SLC30A9: variants seen among roughly 807,000 people sequenced by gnomAD.
SLC30A9 encodes proton-coupled zinc antiporter SLC30A9, mitochondrial.
In SLC30A9, 58 loss-of-function variants were observed where a neutral mutation model predicts 87.5. The ratio of observed to expected loss-of-function variants is 0.66; its 90% CI spans 0.54 to 0.82. The LOEUF (loss-of-function observed/expected upper bound fraction) is 0.82, where lower values mean the gene tolerates loss of function less well. SLC30A9 is among the 40% of genes least tolerant of loss of function. The pLI is 0.00. For missense variants in SLC30A9, 557 were observed against 679.1 expected (o/e 0.82, Z 2.00); for synonymous variants, 234 against 233.0 (o/e 1.00, Z -0.04).
chr4:42,017,373 CTGTT>C (rs1715767443), intron 2 of SLC30A9, among the ~76,000 whole-genome samples: 1 of 71,376 alleles, frequency 1.4e-5, no homozygotes, highest in African/African-American at 3.6e-5. Flanking sequence ...TCTTTTTTCT[CTGTT>C]TTTTTTTTTT....
rs1215007629 is a variant in SLC30A9, at chr4:42,030,493, A to G, written c.611-4782A>G. Among the ~76,000 whole-genome samples, 6 of 151,442 alleles carry G rather than the reference A, an allele frequency of 4.0e-5. No individual in the cohort carries two copies. In the East Asian group the frequency reaches 9.7e-4, roughly 24 times the overall value. On this transcript the variant is annotated intron_variant, in intron 6 of 17. Coordinates refer to ENST00000264451, the MANE Select transcript of SLC30A9 (RefSeq NM_006345.4). ...GCATACTCTGGTCCTTTTTCAAGCC[A>G]TGTGTTATCGTATCTGTTTTGTACT... is the stretch of plus-strand genomic sequence containing the variant.
intron 2 of SLC30A9, among the ~76,000 whole-genome samples, chr4:42,011,925 TA>T (rs1385149131): frequency 2.0e-5 from 3 of 152,178 alleles, no homozygotes; most frequent in African/African-American, 7.2e-5. Flanking sequence ...GGAGAGTTAG[TA>T]AATTCAAATT....
chr4:41,999,045 G>T (rs1714867704), intron 1 of SLC30A9, among the ~76,000 whole-genome samples: 1 of 152,126 alleles, frequency 6.6e-6, no homozygotes, highest in Admixed American at 6.5e-5. Context: ...GCACTTAGGA[G>T]TCAATTTTAA....
At chr4:41,996,758 G>T (rs1244407476) in intron 1 of SLC30A9, among the ~76,000 whole-genome samples, 1 of 151,936 alleles carries the variant, frequency 6.6e-6, no homozygotes, top group African/African-American at 2.4e-5. Flanking sequence ...ACACAGGTGG[G>T]TGCGGTGGCT....
chr4:42,022,569 A>T (rs1250596694), intron 4 of SLC30A9, among the ~76,000 whole-genome samples: 1 of 152,152 alleles, frequency 6.6e-6, no homozygotes, highest in Admixed American at 6.5e-5. Context: ...CCCATAGCAG[A>T]TACAAATACA....
At chr4:42,039,152 G>T in intron 8 of SLC30A9, 99 bp downstream of exon 8, 1 of 880,292 alleles carries the variant, frequency 1.1e-6, no homozygotes, top group Non-Finnish European at 1.8e-6. Flanking sequence ...TAGCTATAGA[G>T]TTTGAGGTTT....
chr4:42,073,665 A>G (rs1208234678), intron 15 of SLC30A9, among the ~76,000 whole-genome samples: 1 of 152,142 alleles, frequency 6.6e-6, no homozygotes, highest in Non-Finnish European at 1.5e-5. Context: ...TACTCACATG[A>G]TTGTTCGCAA....
chr4:41,994,168 A>AAAAAAG (rs76634924), intron 1 of SLC30A9, among the ~76,000 whole-genome samples: 2 of 151,418 alleles, frequency 1.3e-5, no homozygotes, highest in Non-Finnish European at 2.9e-5. Flanking sequence ...AAGAAAAAAA[A>AAAAAAG]AAGTTATAAT....
intron 2 of SLC30A9, among the ~76,000 whole-genome samples, chr4:42,009,371 T>G (rs1054454375): frequency 1.3e-5 from 2 of 152,204 alleles, no homozygotes; most frequent in African/African-American, 4.8e-5. Context: ...ATAATTCAAA[T>G]CACATGATAA....
At chr4:42,013,263 A>G (rs1172616513) in intron 2 of SLC30A9, among the ~76,000 whole-genome samples, 3 of 152,208 alleles carry the variant, frequency 2.0e-5, no homozygotes, top group African/African-American at 7.2e-5. Flanking sequence ...TGGGTGACAT[A>G]GCAAGATCCT....
intron 4 of SLC30A9, among the ~76,000 whole-genome samples, chr4:42,022,154 C>T (rs1478080466): frequency 2.6e-5 from 4 of 151,386 alleles, no homozygotes; most frequent in Non-Finnish European, 1.5e-5. Context: ...AGTCTAGTCT[C>T]GAACTCCTGA....
intron 14 of SLC30A9, among the ~76,000 whole-genome samples, chr4:42,067,507 A>G (rs1006187866): frequency 6.6e-6 from 1 of 152,252 alleles, no homozygotes; most frequent in African/African-American, 2.4e-5. Context: ...AAAAGTGTGG[A>G]TAATATTTAC....
At chr4:42,060,603 T>C (rs1303707175) in intron 10 of SLC30A9, among the ~76,000 whole-genome samples, 1 of 152,206 alleles carries the variant, frequency 6.6e-6, no homozygotes, top group Non-Finnish European at 1.5e-5. Flanking sequence ...AAAATTTTGA[T>C]GATAACTTCT....
chr4:42,022,452 G>A (rs1406519246), intron 4 of SLC30A9, among the ~76,000 whole-genome samples: 4 of 150,990 alleles, frequency 2.6e-5, no homozygotes, highest in Non-Finnish European at 5.9e-5. Flanking sequence ...GGCTGGTCTC[G>A]AACTCCTGAC....
chr4:42,014,900 G>A (rs993701947), intron 2 of SLC30A9, among the ~76,000 whole-genome samples: 3 of 152,118 alleles, frequency 2.0e-5, no homozygotes, highest in African/African-American at 7.2e-5. Context: ...GGTTACTAGG[G>A]GCTGGGAAGA....
chr4:42,007,295 TA>T (rs1057480581), intron 2 of SLC30A9, among the ~76,000 whole-genome samples: 12 of 152,310 alleles, frequency 7.9e-5, no homozygotes, highest in Admixed American at 2.6e-4. Flanking sequence ...CATTGATTTC[TA>T]AAATTAGGAG....
intron 11 of SLC30A9, among the ~76,000 whole-genome samples, chr4:42,064,390 CTG>C (rs1382112707): frequency 1.3e-5 from 2 of 152,184 alleles, no homozygotes; most frequent in African/African-American, 4.8e-5. Flanking sequence ...CAGAATCAAT[CTG>C]TCTACTTTTT....
intron 2 of SLC30A9, among the ~76,000 whole-genome samples, chr4:42,015,102 T>C (rs1715657363): frequency 6.6e-6 from 1 of 152,210 alleles, no homozygotes; most frequent in African/African-American, 2.4e-5. Context: ...AGATGATCGA[T>C]GCTCCATTTA....
At chr4:42,078,089 A>G in intron 16 of SLC30A9, 123 bp from the exon 17 acceptor site, 1 of 552,412 alleles carries the variant, frequency 1.8e-6, no homozygotes, top group Non-Finnish European at 3.2e-6. Context: ...TGTGGCTTAA[A>G]GTTTTAAAAA....
Sources: allele counts gnomAD v4.1 joint callset (sites outside exome capture counted in the v4.1 genomes callset), GRCh38; gene constraint gnomAD v4.1.1; transcripts MANE v1.5; gene names NCBI Gene and HGNC (gene_info 2026-07-23, HGNC 2026-07-21).